Variants in TRIO observed in about 807,000 individuals in gnomAD.
The protein encoded by TRIO is trio Rho guanine nucleotide exchange factor, also known as triple functional domain protein.
In TRIO, 58 loss-of-function variants were observed where a neutral mutation model predicts 351.9. The ratio of observed to expected loss-of-function variants is 0.16; its 90% CI spans 0.13 to 0.21. The LOEUF is 0.21. TRIO is among the 10% of genes least tolerant of loss of function. The pLI is 1.00. For missense variants in TRIO, 3,201 were observed against 4,027.8 expected, an observed-to-expected ratio of 0.79 and a Z score of 5.56; for synonymous variants, 1,758 against 1,595.7, an observed-to-expected ratio of 1.10 and a Z score of -2.42.
At chr5:14,420,058 T>C in intron 34 of TRIO, 37 bp downstream of exon 34, 1 of 1,598,960 alleles carries the variant, frequency 6.3e-7, no homozygotes, top group Non-Finnish European at 8.6e-7. Context: ...AGACCCCTAC[T>C]GGAAGTGGCC....
At chr5:14,460,356 T>C (rs1459016028) in intron 34 of TRIO, among the ~76,000 whole-genome samples, 1 of 152,230 alleles carries the variant, frequency 6.6e-6, no homozygotes, top group East Asian at 1.9e-4. Flanking sequence ...GGAAAGAGGC[T>C]GAGGGCCGCT....
intron 40 of TRIO, among the ~76,000 whole-genome samples, chr5:14,476,336 C>G (rs1755072203): frequency 6.6e-6 from 1 of 152,204 alleles, no homozygotes; most frequent in South Asian, 2.1e-4. Flanking sequence ...AGGAAGGTCA[C>G]CAGCCAAGGG....
chr5:14,229,999 A>G (rs982314365), intron 1 of TRIO, among the ~76,000 whole-genome samples: 4 of 152,174 alleles, frequency 2.6e-5, no homozygotes, highest in Non-Finnish European at 4.4e-5. Flanking sequence ...AGGACTTGTG[A>G]CCAGTCTGCA....
intron 40 of TRIO, among the ~76,000 whole-genome samples, chr5:14,475,091 C>G (rs1035561718): frequency 6.6e-6 from 1 of 152,194 alleles, no homozygotes; most frequent in East Asian, 1.9e-4. Context: ...GCTGGTGCTA[C>G]GTAGCTCACC....
chr5:14,202,293 GATTTTTTTTT>G (rs1791174802), intron 1 of TRIO, among the ~76,000 whole-genome samples: 2 of 34,350 alleles, frequency 5.8e-5, no homozygotes, highest in African/African-American at 2.0e-4. Flanking sequence ...ATATTTTTGT[GATTTTTTTTT>G]TTTTTTTTTT....
intron 1 of TRIO, among the ~76,000 whole-genome samples, chr5:14,233,379 A>T (rs889833044): frequency 6.7e-6 from 1 of 150,238 alleles, no homozygotes; most frequent in African/African-American, 2.4e-5. Flanking sequence ...AGTCCCAGCT[A>T]CTTGGGAGGC....
At chr5:14,336,515 C>G (rs1286343554) in intron 10 of TRIO, 21 bp from the exon 11 acceptor site, 1 of 1,608,602 alleles carries the variant, frequency 6.2e-7, no homozygotes, top group African/African-American at 1.3e-5. Flanking sequence ...TTCTGTTTCT[C>G]TGGGATGTTC....
At chr5:14,215,640 C>T (rs1336477564) in intron 1 of TRIO, among the ~76,000 whole-genome samples, 1 of 152,192 alleles carries the variant, frequency 6.6e-6, no homozygotes, top group East Asian at 1.9e-4. Flanking sequence ...GCGCCAAGAT[C>T]TAATGATTCC....
At chr5:14,481,911 C>G in intron 45 of TRIO, 1 of 341,168 alleles carries the variant, frequency 2.9e-6, no homozygotes. Flanking sequence ...AGCTGAGTTT[C>G]CTTTCCTCAG....
rs531933070 is a variant in TRIO, at chr5:14,159,168, C to A, written c.157+15286C>A. On this transcript the variant is annotated intron_variant, in intron 1 of 56. Transcript: ENST00000344204. ...CTCAGTTTTTTCTACTCCCACTCCC[C>A]CTCTCCCTTTTTTTGGTGTTAGAAA... Among the ~76,000 whole-genome samples, 41 of 152,282 alleles carry A rather than the reference C, an allele frequency of 2.7e-4. 2 individuals carry two copies. The South Asian group carries it at 7.5e-3, about 28-fold the overall frequency.
chr5:14,281,883 G>A (rs908063746), intron 3 of TRIO, among the ~76,000 whole-genome samples: 8 of 152,186 alleles, frequency 5.3e-5, no homozygotes, highest in Admixed American at 3.3e-4. Flanking sequence ...AGCATAATGG[G>A]TTTCAGGGGT....
At chr5:14,237,044 A>G (rs1295380675) in intron 1 of TRIO, among the ~76,000 whole-genome samples, 3 of 152,226 alleles carry the variant, frequency 2.0e-5, no homozygotes, top group Admixed American at 2.0e-4. Flanking sequence ...GCTTGTCAGC[A>G]TTAGAGAGTT....
intron 8 of TRIO, among the ~76,000 whole-genome samples, chr5:14,312,419 T>G (rs1446728949): frequency 1.3e-5 from 2 of 152,270 alleles, no homozygotes; most frequent in Non-Finnish European, 2.9e-5. Flanking sequence ...CATTTGGATA[T>G]CAGAGCATTT....
At chr5:14,350,553 C>T (rs1347803484) in intron 11 of TRIO, among the ~76,000 whole-genome samples, 1 of 152,182 alleles carries the variant, frequency 6.6e-6, no homozygotes, top group Admixed American at 6.5e-5. Flanking sequence ...GCCACATCCC[C>T]TGTGCCTTAT....
intron 42 of TRIO, 94 bp from the exon 43 acceptor site, chr5:14,479,825 G>A: frequency 1.8e-6 from 2 of 1,107,612 alleles, no homozygotes; most frequent in Non-Finnish European, 2.6e-6. Context: ...TACTTTTACT[G>A]CCAGTGTTGT....
chr5:14,509,751 G>T lies in TRIO; in HGVS notation c.*1329G>T. On this transcript the variant is annotated 3_prime_UTR_variant, in exon 57 of 57. Transcript: ENST00000344204. The stretch of plus-strand genomic sequence containing the variant: ...CTGTGGCAGCATTCGCACTGGTGTG[G>T]GGAGTCCTTTCAACTCAAGGAGGCT... 1 of 241,836 alleles carries T rather than the reference G, an allele frequency of 4.1e-6. No individual in the cohort carries two copies. The highest frequency in any genetic ancestry group is 4.3e-5 in the South Asian group (1 of 23,108). 15.0% of individuals were successfully genotyped at this position (241,836 alleles called of 1,614,324 possible).
At chr5:14,194,470 T>C (rs1290854730) in intron 1 of TRIO, among the ~76,000 whole-genome samples, 4 of 152,234 alleles carry the variant, frequency 2.6e-5, no homozygotes, top group Non-Finnish European at 5.9e-5. Context: ...GTGAAGGATT[T>C]GAGGACTTGA....
chr5:14,207,361 C>CACAGAGAG lies in TRIO; in HGVS notation c.158-63463_158-63462insCAGAGAGA, dbSNP rs1561202207. ...ACACACACACACACACACACACACA[C>CACAGAGAG]AGAGCCAGGTAGCATAGCAAGACTG... On this transcript the variant is annotated intron_variant, in intron 1 of 56. Transcript: ENST00000344204. Among the ~76,000 whole-genome samples the CACAGAGAG allele has an allele frequency of 3.7e-3, 37 of 10,100 alleles. 9 individuals carry two copies. Among genetic ancestry groups the CACAGAGAG allele is most frequent in the African/African-American group, 4.4e-3 (15 of 3,430 alleles). The allele number at this position is 10,100 out of a possible 152,430, so 6.6% of individuals were successfully genotyped here.
At chr5:14,188,880 C>T (rs925421223) in intron 1 of TRIO, among the ~76,000 whole-genome samples, 19 of 152,106 alleles carry the variant, frequency 1.2e-4, no homozygotes, top group Admixed American at 9.8e-4. Context: ...TAGTTCAAGT[C>T]GAAATACTAG....
Sources: gnomAD v4.1 joint callset for allele counts (sites outside exome capture counted in the v4.1 genomes callset) on GRCh38, gnomAD v4.1.1 for gene constraint, MANE v1.5 for transcripts, NCBI Gene and HGNC (gene_info 2026-07-23, HGNC 2026-07-21) for gene names.